The following RGS17 variants were observed in gnomAD, a reference collection of about 807,000 sequenced individuals.
The protein encoded by RGS17 is regulator of G protein signaling 17.
In RGS17, 12 loss-of-function variants were observed where a neutral mutation model predicts 25.5. The observed-to-expected ratio is 0.47, with a 90% CI of 0.30 to 0.76. The LOEUF (loss-of-function observed/expected upper bound fraction) is 0.76, where lower values mean the gene tolerates loss of function less well. Among genes scored for constraint, RGS17 ranks in the 30% least tolerant of loss-of-function variants. RGS17 has a pLI of 0.07. For synonymous variants in RGS17, 71 were observed against 76.9 expected (o/e 0.92, Z 0.40); for missense variants, 196 against 242.2 (o/e 0.81, Z 1.27).
rs928561978 is a variant in RGS17 at position 153,010,750 on chromosome 6, T to A, written c.*824A>T. The A allele has an allele frequency of 3.9e-5, 6 of 152,188 alleles. No homozygotes were observed. In the East Asian group the frequency reaches 1.2e-3, roughly 29 times the overall value. 9.4% of individuals were successfully genotyped at this position (152,188 alleles called of 1,614,324 possible). On this transcript the variant is annotated 3_prime_UTR_variant, in exon 5 of 5. Transcript: ENST00000206262. ...ACTGGAGAGCCAGTCTTTAATAAAT[T>A]AATTACAGTATTGGACATCTGATAT...
At chr6:153,051,792 A>G (rs940241072) in intron 1 of RGS17, among the ~76,000 whole-genome samples, 3 of 152,200 alleles carry the variant, frequency 2.0e-5, no homozygotes, top group African/African-American at 7.2e-5. Context: ...TATTGCACAA[A>G]ATGAGAAAGC....
chr6:153,029,924 T>C (rs1392483398), intron 2 of RGS17, among the ~76,000 whole-genome samples: 1 of 152,220 alleles, frequency 6.6e-6, no homozygotes, highest in Non-Finnish European at 1.5e-5. Context: ...CCCCACTGAC[T>C]TTTATGTATG....
Position 153,097,332 on chromosome 6 carries a change from T to TGAG in RGS17, c.-26+33789_-26+33791dup, listed in dbSNP as rs556430736. ...TTTTTTTTTTTTGGGAGACAGAATC[T>TGAG]GAGTCGCCCAGGCTGGAGTGCAGTG... On this transcript the variant is annotated intron_variant, in intron 1 of 4. Transcript: ENST00000206262. Among the ~76,000 whole-genome samples, 97 of 133,680 alleles carry TGAG rather than the reference T, an allele frequency of 7.3e-4. 1 individual carries two copies. Among genetic ancestry groups the TGAG allele is most frequent in the African/African-American group, 2.7e-3 (95 of 35,094 alleles). 87.7% of individuals were successfully genotyped at this position (133,680 alleles called of 152,430 possible). A position where few individuals can be genotyped will look rare whatever the true frequency, so the allele number is the denominator to read the frequency against.
chr6:153,099,793 G>A (rs1777271100), intron 1 of RGS17, among the ~76,000 whole-genome samples: 2 of 152,016 alleles, frequency 1.3e-5, no homozygotes, highest in Non-Finnish European at 2.9e-5. Context: ...TCCACAAGCA[G>A]AAAAGCACTT....
chr6:153,031,984 TGAG>T (rs1171545292), intron 2 of RGS17, among the ~76,000 whole-genome samples: 1 of 152,120 alleles, frequency 6.6e-6, no homozygotes, highest in African/African-American at 2.4e-5. Flanking sequence ...TTGCTATGGC[TGAG>T]GAGGGCCATC....
chr6:153,088,471 A>G (rs1389772039), intron 1 of RGS17, among the ~76,000 whole-genome samples: 1 of 152,222 alleles, frequency 6.6e-6, no homozygotes, highest in African/African-American at 2.4e-5. Flanking sequence ...ATAAATGCCT[A>G]AATTTAAATA....
At chr6:153,057,712 T>C (rs561138453) in intron 1 of RGS17, among the ~76,000 whole-genome samples, 15 of 152,348 alleles carry the variant, frequency 9.8e-5, no homozygotes, top group Admixed American at 5.2e-4. Context: ...CACCATAATG[T>C]AGAGTCAGTG....
intron 1 of RGS17, among the ~76,000 whole-genome samples, chr6:153,080,736 T>TA (rs1359877644): frequency 6.6e-6 from 1 of 152,116 alleles, no homozygotes; most frequent in Non-Finnish European, 1.5e-5. Flanking sequence ...TTGAATGCTG[T>TA]AAAAAGCATT....
chr6:153,061,593 TATA>T (rs540816971), intron 1 of RGS17, among the ~76,000 whole-genome samples: 1 of 152,214 alleles, frequency 6.6e-6, no homozygotes, highest in Non-Finnish European at 1.5e-5. Flanking sequence ...TTATTATTCA[TATA>T]ATGATTTAAG....
intron 1 of RGS17, among the ~76,000 whole-genome samples, chr6:153,078,287 T>C (rs147565554): frequency 1.7e-3 from 263 of 152,308 alleles, no homozygotes; most frequent in African/African-American, 6.0e-3. Flanking sequence ...TATACATTTA[T>C]AGAATCACTT....
rs1296819965 is a variant in RGS17, at chr6:153,010,328, G to T, written c.*1246C>A. The stretch of plus-strand genomic sequence containing the variant: ...GACAATGTCAGGCAAGTGTTTTGTC[G>T]TAAAGATTTAGTGTACTTATAAAAA... On this transcript the variant is annotated 3_prime_UTR_variant, in exon 5 of 5. Transcript: ENST00000206262. 2 of 151,900 alleles carry T rather than the reference G, an allele frequency of 1.3e-5. No individual in the cohort carries two copies. Among genetic ancestry groups the T allele is most frequent in the Non-Finnish European group, 2.9e-5 (2 of 67,850 alleles). The allele number at this position is 151,900 out of a possible 1,614,324, so 9.4% of individuals were successfully genotyped here. A position where few individuals can be genotyped will look rare whatever the true frequency, so the allele number is the denominator to read the frequency against.
chr6:153,039,580 A>T (rs1776297242), intron 2 of RGS17, among the ~76,000 whole-genome samples: 1 of 152,244 alleles, frequency 6.6e-6, no homozygotes, highest in Admixed American at 6.5e-5. Context: ...CACCCACAGA[A>T]GCGTCAGTAT....
At chr6:153,028,145 A>G (rs1356207555) in intron 2 of RGS17, among the ~76,000 whole-genome samples, 2 of 152,228 alleles carry the variant, frequency 1.3e-5, no homozygotes, top group Middle Eastern at 3.2e-3. Flanking sequence ...AGTCAGGAAA[A>G]GGACATAGAA....
intron 4 of RGS17, chr6:153,023,283 A>C: frequency 2.4e-6 from 1 of 420,536 alleles, no homozygotes; most frequent in Non-Finnish European, 4.9e-6. Flanking sequence ...TCAGGTGCAC[A>C]AGAGAGGGGC....
intron 1 of RGS17, among the ~76,000 whole-genome samples, chr6:153,059,933 G>A (rs1473138635): frequency 6.6e-6 from 1 of 152,168 alleles, no homozygotes; most frequent in African/African-American, 2.4e-5. Flanking sequence ...CATCTGGGAG[G>A]TTGTTAGAAA....
At chr6:153,034,783 C>T (rs1776217637) in intron 2 of RGS17, among the ~76,000 whole-genome samples, 3 of 152,118 alleles carry the variant, frequency 2.0e-5, no homozygotes, top group African/African-American at 7.2e-5. Flanking sequence ...ACCTCTAGAA[C>T]GAAACACATG....
At chr6:153,085,941 T>C (rs1174571958) in intron 1 of RGS17, among the ~76,000 whole-genome samples, 1 of 152,166 alleles carries the variant, frequency 6.6e-6, no homozygotes, top group Non-Finnish European at 1.5e-5. Context: ...TCTAACCTGG[T>C]CACTTTTATT....
intron 1 of RGS17, among the ~76,000 whole-genome samples, chr6:153,107,151 G>C (rs1394450569): frequency 6.6e-6 from 1 of 151,678 alleles, no homozygotes; most frequent in Admixed American, 6.6e-5. Flanking sequence ...TGGTCAACAT[G>C]GTGAAACCCC....
rs932879141 is a variant in RGS17 at position 153,102,879 on chromosome 6, T to A, written c.-26+28245A>T. On this transcript the variant is annotated intron_variant, in intron 1 of 4. Transcript: ENST00000206262. ...TTTTATGCATTCTATCTTAAAATAT[T>A]TATTTTTAGTCACTGCCCTGATACT... Among the ~76,000 whole-genome samples the A allele has an allele frequency of 3.3e-5, 5 of 152,240 alleles. No individual in the cohort carries two copies. In the South Asian group the frequency reaches 8.3e-4, roughly 25 times the overall value.
Sources: gnomAD v4.1 joint callset for allele counts (sites outside exome capture counted in the v4.1 genomes callset) on GRCh38, gnomAD v4.1.1 for gene constraint, MANE v1.5 for transcripts, NCBI Gene and HGNC (gene_info 2026-07-23, HGNC 2026-07-21) for gene names.